Variants in BCAR3 observed in about 807,000 individuals in gnomAD.
BCAR3 encodes breast cancer anti-estrogen resistance protein 3.
BCAR3 carries 37 observed loss-of-function variants against 80.1 expected under a neutral mutation model. The ratio of observed to expected loss-of-function variants is 0.46; its 90% CI spans 0.36 to 0.61. The LOEUF (loss-of-function observed/expected upper bound fraction) is 0.61. BCAR3 is among the 20% of genes least tolerant of loss of function. The probability of loss-of-function intolerance (pLI) is 0.00; values close to 1 mark genes in which losing one functional copy is unlikely to be tolerated. For synonymous variants in BCAR3, 389 were observed against 418.9 expected (o/e 0.93, Z 0.87); for missense variants, 978 against 1,068.2 (o/e 0.92, Z 1.18).
chr1:93,645,656 G>A (rs571125218), intron 2 of BCAR3, among the ~76,000 whole-genome samples: 175 of 150,738 alleles, frequency 1.2e-3, no homozygotes, highest in Non-Finnish European at 1.7e-3. Context: ...GTGTGTGTGT[G>A]TATATATATG....
intron 2 of BCAR3, among the ~76,000 whole-genome samples, chr1:93,778,259 T>TA (rs1652644514): frequency 6.6e-6 from 1 of 152,214 alleles, no homozygotes; most frequent in Admixed American, 6.5e-5. Context: ...TAGGCCTTAA[T>TA]AGTGGTCAGA....
chr1:93,824,984 G>A (rs2100824503), intron 2 of BCAR3, among the ~76,000 whole-genome samples: 1 of 133,454 alleles, frequency 7.5e-6, no homozygotes, highest in South Asian at 3.1e-4. Context: ...CACCTGCCTG[G>A]GTTTTGTTCC....
At chr1:93,840,946 G>T (rs968528976) in intron 2 of BCAR3, among the ~76,000 whole-genome samples, 9 of 152,266 alleles carry the variant, frequency 5.9e-5, no homozygotes, top group Admixed American at 2.6e-4. Context: ...CAAAGATAAA[G>T]GAAAAGAAGA....
At chr1:93,832,913 A>G (rs1374694606) in intron 2 of BCAR3, among the ~76,000 whole-genome samples, 1 of 152,144 alleles carries the variant, frequency 6.6e-6, no homozygotes, top group East Asian at 1.9e-4. Context: ...AGCCTCCTTC[A>G]TGTCCTCTCC....
intron 3 of BCAR3, among the ~76,000 whole-genome samples, chr1:93,610,200 T>G (rs1674908280): frequency 6.6e-6 from 1 of 152,218 alleles, no homozygotes; most frequent in Non-Finnish European, 1.5e-5. Flanking sequence ...AAATACTTAT[T>G]AACCCCTGGT....
At chr1:93,769,751 T>C (rs1482114612) in intron 2 of BCAR3, among the ~76,000 whole-genome samples, 7 of 151,908 alleles carry the variant, frequency 4.6e-5, no homozygotes, top group Non-Finnish European at 1.0e-4. Flanking sequence ...AAAAGGAAAA[T>C]TTTTTCCAAC....
intron 3 of BCAR3, among the ~76,000 whole-genome samples, chr1:93,695,045 C>G (rs115767449): frequency 0.012 from 1,875 of 152,298 alleles, 40 homozygotes; most frequent in African/African-American, 0.043. Flanking sequence ...ATTCCCCTCG[C>G]CCTCCCACAT....
intron 3 of BCAR3, among the ~76,000 whole-genome samples, chr1:93,608,674 G>A (rs866969099): frequency 6.6e-6 from 1 of 152,176 alleles, no homozygotes; most frequent in Non-Finnish European, 1.5e-5. Flanking sequence ...TCCAGGGTCT[G>A]CTAGGGAACC....
chr1:93,680,387 C>A (rs565126797), intron 1 of BCAR3, among the ~76,000 whole-genome samples: 1 of 152,240 alleles, frequency 6.6e-6, no homozygotes, highest in Admixed American at 6.5e-5. Flanking sequence ...TCCTCAATAC[C>A]CCCTGGCACG....
Position 93,562,424 on chromosome 1 carries a change from T to C in BCAR3, c.2300-5A>G. ...TTTCTTCATCTGGTTGAAAACCTAA[T>C]GAAACAAAATAAACAAAAAGTTACT... On this transcript the variant is annotated splice_polypyrimidine_tract_variant and splice_region_variant and intron_variant, in intron 11 of 11. Coordinates refer to ENST00000260502, the MANE Select transcript of BCAR3 (RefSeq NM_003567.4). 1 of 1,612,316 alleles carries C rather than the reference T, an allele frequency of 6.2e-7. No individual in the cohort carries two copies. Among genetic ancestry groups the C allele is most frequent in the Non-Finnish European group, 8.5e-7 (1 of 1,179,156 alleles).
chr1:93,846,899 A>T (rs769888275), intron 1 of BCAR3: 3 of 453,148 alleles, frequency 6.6e-6, no homozygotes, highest in African/African-American at 5.1e-5. Flanking sequence ...GTCTGTGGGG[A>T]GCGAAATGCA....
rs1230098499 is a variant in BCAR3 at position 93,717,719 on chromosome 1, C to CAAAA, written c.-62-11581_-62-11578dup. ...CTCCAGCCTGCACGAGACTCCACCT[C>CAAAA]AAAAAAAAAAAAAAAAAAGAATTGG... On this transcript the variant is annotated intron_variant, in intron 2 of 13. Coordinates refer to the BCAR3 transcript ENST00000370244. Among the ~76,000 whole-genome samples, 128 of 57,582 alleles carry CAAAA rather than the reference C, an allele frequency of 2.2e-3. 1 individual carries two copies. Among genetic ancestry groups the CAAAA allele is most frequent in the African/African-American group, 6.7e-3 (121 of 18,050 alleles). 37.8% of individuals were successfully genotyped at this position (57,582 alleles called of 152,430 possible).
At chr1:93,767,599 C>A (rs1652200180) in intron 2 of BCAR3, among the ~76,000 whole-genome samples, 1 of 152,022 alleles carries the variant, frequency 6.6e-6, no homozygotes, top group Admixed American at 6.5e-5. Flanking sequence ...AAAATTAACC[C>A]ATTTCCTGTT....
intron 7 of BCAR3, among the ~76,000 whole-genome samples, chr1:93,579,339 G>A (rs1253585413): frequency 1.3e-5 from 2 of 152,230 alleles, no homozygotes; most frequent in South Asian, 2.1e-4. Flanking sequence ...GGAAGTCAGT[G>A]GTTCCAGGAA....
At chr1:93,708,781 G>A (rs1042678813) in intron 2 of BCAR3, among the ~76,000 whole-genome samples, 3 of 152,188 alleles carry the variant, frequency 2.0e-5, no homozygotes, top group African/African-American at 7.2e-5. Context: ...GGCTGGAGTT[G>A]CTTCTTTCTT....
At position 93,822,691 on chromosome 1, in the gene BCAR3, T is replaced by A. The variant is rs1398166674; in HGVS notation, c.-63+22876A>T. On this transcript the variant is annotated intron_variant, in intron 2 of 13. Coordinates refer to the BCAR3 transcript ENST00000370244. ...AGGCACTTGAGTATTGCTGAAAAGA[T>A]GAGGCTGGAGGAGCAGGCAGGGACC... Among the ~76,000 whole-genome samples the A allele has an allele frequency of 2.0e-5, 3 of 152,056 alleles. No homozygotes were observed. In the East Asian group the frequency reaches 5.8e-4, roughly 29 times the overall value.
rs1673957938 is a variant in BCAR3 at position 93,586,752 on chromosome 1, T to C, written c.929+2225A>G. ...TGGATATAGGCCTTTTTAACTGGGG[T>C]AAGGTGATATCCATTATAGTTTTGA... On this transcript the variant is annotated intron_variant, in intron 5 of 11. Transcript: ENST00000260502. The surrounding 1 kb of genome is among the most constrained non-coding windows in gnomAD (Gnocchi z 4.2). 6.6e-6 allele frequency among the ~76,000 whole-genome samples: 1 copy of C among 152,228 alleles called. No individual in the cohort carries two copies. Among genetic ancestry groups the C allele is most frequent in the South Asian group, 2.1e-4 (1 of 4,834 alleles).
At chr1:93,648,701 A>T (rs1676225945) in intron 2 of BCAR3, 1 of 152,222 alleles carries the variant, frequency 6.6e-6, no homozygotes, top group Admixed American at 6.5e-5. Context: ...AAAACTGAGG[A>T]CCAGCTATTT....
intron 3 of BCAR3, among the ~76,000 whole-genome samples, chr1:93,691,816 C>T (rs540265144): frequency 6.6e-6 from 1 of 152,276 alleles, no homozygotes; most frequent in South Asian, 2.1e-4. Flanking sequence ...CAAGAGTTCT[C>T]AGCCTTTTTT....
Sources: gnomAD v4.1 joint callset for allele counts (sites outside exome capture counted in the v4.1 genomes callset) on GRCh38, gnomAD v4.1.1 for gene constraint, Gnocchi (gnomAD v3.1) non-coding constraint, MANE v1.5 for transcripts, NCBI Gene and HGNC (gene_info 2026-07-23, HGNC 2026-07-21) for gene names.